The following AHNAK2 variants were observed in gnomAD, a reference collection of about 807,000 sequenced individuals.
AHNAK2 encodes the protein AHNAK nucleoprotein 2.
In AHNAK2, 18 loss-of-function variants were observed where a neutral mutation model predicts 30.7. That is an observed-to-expected ratio of 0.59 (90% CI 0.41 to 0.87). AHNAK2 has a LOEUF of 0.87. AHNAK2 is among the 40% of genes least tolerant of loss of function. AHNAK2 has a pLI of 0.00. For synonymous variants in AHNAK2, 3,590 were observed against 3,073.8 expected (o/e 1.17, Z -5.56); for missense variants, 8,604 against 7,373.0 (o/e 1.17, Z -6.11).
In AHNAK2 at chr14:104,953,997, C is replaced by T. The variant is rs367551426; in HGVS notation, c.1454G>A (p.Arg485Gln). The change falls in exon 7 of 7, where the codon CGA (arginine) becomes CAA (glutamine). Residue 485 changes from arginine (R) to glutamine (Q), a missense_variant. Physicochemically the swap from Arg to Gln is conservative, Grantham distance 43 (BLOSUM62 1). Coordinates refer to ENST00000333244, the MANE Select transcript of AHNAK2 (RefSeq NM_138420.4). Reference protein sequence around the residue: ...TQIGPPEIRVRVHDLKTPKFA... With the variant: ...TQIGPPEIRVQVHDLKTPKFA... The stretch of plus-strand genomic sequence containing the variant: ...TTTTGGTGTCTTTAAATCGTGTACT[C>T]GCACCCTAATTTCTGGTGGGCCAAT... 12 of 1,613,770 alleles carry T rather than the reference C, an allele frequency of 7.4e-6. No individual in the cohort carries two copies. The African/African-American group carries it at 1.1e-4, about 14-fold the overall frequency.
rs1898951878 is a variant in AHNAK2, at chr14:104,955,640, C to T, written c.316-7G>A. 1 of 1,612,398 alleles carries T rather than the reference C, an allele frequency of 6.2e-7. No individual in the cohort carries two copies. On this transcript the variant is annotated splice_region_variant and splice_polypyrimidine_tract_variant and intron_variant, in intron 4 of 6. Transcript: ENST00000333244. ...CTGTTGCCTCCTGGACAGCCTGGAG[C>T]AGAAGCACATCAGGGCCATGGTGAG... is the stretch of plus-strand genomic sequence containing the variant.
In AHNAK2 at chr14:104,953,019, T is replaced by C. The variant is rs1297889462; in HGVS notation, c.2432A>G (p.Asp811Gly). ...VDVQAPRAKL[D>G]GARLEGDLSL... The stretch of plus-strand genomic sequence containing the variant: ...CAGGTCCCCCTCCAGCCGCGCACCA[T>C]CCAGCTTTGCTCTCGGGGCCTGGAC... The change falls in exon 7 of 7, where the codon GAT (aspartate) becomes GGT (glycine). Residue 811 changes from aspartate to glycine, a missense_variant. Asp to Gly is a moderately conservative substitution (Grantham distance 94, BLOSUM62 -1). Coordinates refer to ENST00000333244, the MANE Select transcript of AHNAK2 (RefSeq NM_138420.4). 2 of 1,613,128 alleles carry C rather than the reference T, an allele frequency of 1.2e-6. No individual in the cohort carries two copies. Among genetic ancestry groups the C allele is most frequent in the South Asian group, 1.1e-5 (1 of 91,050 alleles).
chr14:104,952,745 C>T lies in AHNAK2; in HGVS notation c.2706G>A (p.Pro902=), dbSNP rs187626457. The change falls in exon 7 of 7, where the codon CCG becomes CCA. Residue 902 remains proline, a synonymous_variant. Transcript: ENST00000333244. Reference sequence around the variant, plus strand: ...CGGCTCCCTCGGGCACAGGGCCCTCCGGAAGTTTCACATCCACTTGGCCAG... The same window carrying T: ...CGGCTCCCTCGGGCACAGGGCCCTCTGGAAGTTTCACATCCACTTGGCCAG... ...VQAGQVDVKL[P]EGPVPEGAGP... 3.5e-4 allele frequency: 558 copies of T among 1,612,738 alleles called. 19 individuals carry two copies. The African/African-American group carries it at 5.1e-3, about 15-fold the overall frequency.
chr14:104,973,082 C>G (rs962887815), intron 1 of AHNAK2, among the ~76,000 whole-genome samples: 2 of 152,234 alleles, frequency 1.3e-5, no homozygotes, highest in African/African-American at 2.4e-5. Flanking sequence ...GCCCCACCTA[C>G]CGGACCCCTG....
intron 1 of AHNAK2, among the ~76,000 whole-genome samples, chr14:104,973,950 G>C (rs1407568856): frequency 6.6e-6 from 1 of 152,186 alleles, no homozygotes; most frequent in Admixed American, 6.5e-5. Flanking sequence ...GTGCGGGGAT[G>C]GGGGAGTACC....
chr14:104,976,149 G>C (rs1899585244), intron 1 of AHNAK2, among the ~76,000 whole-genome samples: 1 of 152,190 alleles, frequency 6.6e-6, no homozygotes, highest in African/African-American at 2.4e-5. Context: ...GTTATCAGGG[G>C]CCCAGCTCTG....
chr14:104,960,957 C>G lies in AHNAK2; in HGVS notation c.56-3285G>C, dbSNP rs1240631293. 5.0e-3 allele frequency among the ~76,000 whole-genome samples: 750 copies of G among 151,324 alleles called. 6 individuals are homozygous for G. The highest frequency in any genetic ancestry group is 0.017 in the African/African-American group (703 of 41,226). ...GACCAGCCTGGCCAACATGGTGAAA[C>G]CCCTCTCTACTAAAAATACAAACAT... On this transcript the variant is annotated intron_variant, in intron 1 of 6. Transcript: ENST00000333244.
At position 104,945,757 on chromosome 14, in the gene AHNAK2, G is replaced by A. The variant is rs1455317746; in HGVS notation, c.9694C>T (p.Pro3232Ser). ...LKGHLPKLQM[P>S]SFKMPKVDRK... is the part of the protein sequence containing the mutation. ...TCTACTTTGGGCATCTTGAAACTGG[G>A]CATCTGCAACTTGGGCAGGTGCCCT... Residue 3232 changes from proline (P) to serine (S), a missense_variant, in exon 7 of 7, where the codon CCC becomes TCC. Coordinates refer to ENST00000333244, the MANE Select transcript of AHNAK2 (RefSeq NM_138420.4). The A allele has an allele frequency of 1.3e-6, 2 of 1,595,496 alleles. No individual in the cohort carries two copies. The highest frequency in any genetic ancestry group is 1.4e-5 in the African/African-American group (1 of 72,870).
intron 1 of AHNAK2, 62 bp from the exon 2 acceptor site, chr14:104,957,734 G>T: frequency 6.5e-7 from 1 of 1,527,954 alleles, no homozygotes; most frequent in Non-Finnish European, 8.9e-7. Flanking sequence ...GGGGCCCGGG[G>T]GAGGGAGCCA....
In AHNAK2 at chr14:104,940,755, C is replaced by T. The variant is rs1383560769; in HGVS notation, c.14696G>A (p.Gly4899Glu). 3 of 1,612,936 alleles carry T rather than the reference C, an allele frequency of 1.9e-6. No individual in the cohort carries two copies. The highest frequency in any genetic ancestry group is 1.3e-5 in the African/African-American group (1 of 75,046). Residue 4899 changes from glycine (G) to glutamate (E), a missense_variant, in exon 7 of 7, where the codon GGA (glycine) becomes GAA (glutamate). Coordinates refer to ENST00000333244, the MANE Select transcript of AHNAK2 (RefSeq NM_138420.4). This position sits in a 1 kb window ranked among gnomAD's most constrained non-coding sequence, Gnocchi z 4.4. The part of the protein sequence containing the change: ...GAPVMSPLSP[G>E]ERVQCPLPST... The stretch of plus-strand genomic sequence containing the variant: ...TGGCAAGGGGCACTGCACTCTTTCT[C>T]CAGGGCTAAGAGGAGACATGACTGG...
chr14:104,946,348 G>A lies in AHNAK2; in HGVS notation c.9103C>T (p.Leu3035=). The A allele has an allele frequency of 6.2e-7, 1 of 1,612,524 alleles. No individual in the cohort carries two copies. The highest frequency in any genetic ancestry group is 8.5e-7 in the Non-Finnish European group (1 of 1,179,466). ...DISIEPPSAQ[L]EVQAGQVDLK... The stretch of plus-strand genomic sequence containing the variant: ...TCCACCTGGCCAGCCTGGACCTCCA[G>A]TTGGGCAGAGGGGGGCTCAATGCTG... Residue 3035 remains leucine, a synonymous_variant, in exon 7 of 7, where the codon CTG becomes TTG. Coordinates refer to ENST00000333244, the MANE Select transcript of AHNAK2 (RefSeq NM_138420.4).
chr14:104,952,219 T>C lies in AHNAK2; in HGVS notation c.3232A>G (p.Lys1078Glu), dbSNP rs190445385. The change falls in exon 7 of 7, where the codon AAA becomes GAA. Residue 1078 changes from lysine (K) to glutamate (E), a missense_variant. Coordinates refer to ENST00000333244, the MANE Select transcript of AHNAK2 (RefSeq NM_138420.4). Reference sequence around the variant, plus strand: ...ATCTCCACCTTGGGCAAGTGCCCTTTAAGGCCAGCTCCCTCGGGCAGGTGG... The same window carrying C: ...ATCTCCACCTTGGGCAAGTGCCCTTCAAGGCCAGCTCCCTCGGGCAGGTGG... The part of the protein sequence containing the change: ...EGHLPEGAGL[K>E]GHLPKVEMPS... 5 of 1,612,426 alleles carry C rather than the reference T, an allele frequency of 3.1e-6. No homozygotes were observed. The Admixed American group carries it at 8.3e-5, about 27-fold the overall frequency.
At chr14:104,969,172 G>T (rs1487515365) in intron 1 of AHNAK2, among the ~76,000 whole-genome samples, 2 of 152,226 alleles carry the variant, frequency 1.3e-5, no homozygotes, top group Non-Finnish European at 2.9e-5. Context: ...GAGGGCTGGG[G>T]AAGCCAGACT....
At position 104,944,869 on chromosome 14, in the gene AHNAK2, C is replaced by T. The variant is rs200270535; in HGVS notation, c.10582G>A (p.Ala3528Thr). The T allele has an allele frequency of 3.6e-5, 58 of 1,612,996 alleles. No homozygotes were observed. In the East Asian group the frequency reaches 3.8e-4, roughly 11 times the overall value. ...TGGACAGCCTGGACCTCCAGGTCAG[C>T]GGAAGGGGGCTGAATGCTGAGGTCA... ...ATDLSIQPPS[A>T]DLEVQAVQVD... is the part of the protein sequence containing the mutation. Residue 3528 changes from alanine (A) to threonine (T), a missense_variant, in exon 7 of 7, where the codon GCT becomes ACT. Transcript: ENST00000333244.
In AHNAK2 at chr14:104,942,908, G is replaced by A; in HGVS notation, c.12543C>T (p.Leu4181=). 1 of 1,613,176 alleles carries A rather than the reference G, an allele frequency of 6.2e-7. No homozygotes were observed. Among genetic ancestry groups the A allele is most frequent in the Non-Finnish European group, 8.5e-7 (1 of 1,179,622 alleles). ...GGTCGGCGGAAGGGGACTGAATGCT[G>A]AGGTCAGTGGTCTTGAGGTCCCCCT... ...SMQGDLKTTD[L]SIQSPSADLE... The change falls in exon 7 of 7, where the codon CTC becomes CTT. Residue 4181 remains leucine (L), a synonymous_variant. Transcript: ENST00000333244.
In AHNAK2 at chr14:104,943,485, G is replaced by A. The variant is rs780404887; in HGVS notation, c.11966C>T (p.Ala3989Val). ...CTTTGGCGCGGTCACATCCACTGATGCCTCCATGGACTTGCCTGGGGCAGA... is the reference window on the plus strand; with the variant it reads ...CTTTGGCGCGGTCACATCCACTGATACCTCCATGGACTTGCCTGGGGCAGA... ...GVSAPGKSME[A>V]SVDVTAPKVE... is the part of the protein sequence containing the mutation. The change falls in exon 7 of 7, where the codon GCA becomes GTA. Residue 3989 changes from alanine (A) to valine (V), a missense_variant. Ala to Val is a moderately conservative substitution (Grantham distance 64, BLOSUM62 0). Coordinates refer to ENST00000333244, the MANE Select transcript of AHNAK2 (RefSeq NM_138420.4). The A allele has an allele frequency of 6.2e-7, 1 of 1,612,944 alleles. No individual in the cohort carries two copies. Among genetic ancestry groups the A allele is most frequent in the East Asian group, 2.2e-5 (1 of 44,800 alleles).
Position 104,940,179 on chromosome 14 carries a change from T to G in AHNAK2, c.15272A>C (p.Gln5091Pro). Residue 5091 changes from glutamine (Q) to proline (P), a missense_variant, in exon 7 of 7, where the codon CAG (glutamine) becomes CCG (proline). Coordinates refer to ENST00000333244, the MANE Select transcript of AHNAK2 (RefSeq NM_138420.4). This position sits in a 1 kb window ranked among gnomAD's most constrained non-coding sequence, Gnocchi z 4.4. ...AAAGCCCAAACTGGGAATGTGGACC[T>G]GTGGCCGGTGGAGGTTCACACCCTC... ...GSEGVNLHRP[Q>P]VHIPSLGFAK... The G allele has an allele frequency of 6.2e-7, 1 of 1,613,582 alleles. No homozygotes were observed. Among genetic ancestry groups the G allele is most frequent in the Non-Finnish European group, 8.5e-7 (1 of 1,179,860 alleles).
At chr14:104,971,431 G>A (rs1899468208) in intron 1 of AHNAK2, among the ~76,000 whole-genome samples, 1 of 152,098 alleles carries the variant, frequency 6.6e-6, no homozygotes, top group African/African-American at 2.4e-5. Context: ...TAAATTTTTT[G>A]TAGAGACAAG....
At position 104,952,735 on chromosome 14, in the gene AHNAK2, C is replaced by T. The variant is rs768585117; in HGVS notation, c.2716G>A (p.Val906Met). 6.2e-7 allele frequency: 1 copy of T among 1,611,020 alleles called. No homozygotes were observed. The highest frequency in any genetic ancestry group is 8.5e-7 in the Non-Finnish European group (1 of 1,179,054). ...QVDVKLPEGP[V>M]PEGAGPKVHL... ...ACTTTGGGGCCGGCTCCCTCGGGCA[C>T]AGGGCCCTCCGGAAGTTTCACATCC... Residue 906 changes from valine (V) to methionine (M), a missense_variant, in exon 7 of 7, where the codon GTG becomes ATG. Physicochemically the swap from Val to Met is conservative, Grantham distance 21. Coordinates refer to ENST00000333244, the MANE Select transcript of AHNAK2 (RefSeq NM_138420.4).
Sources: gnomAD v4.1 joint callset for allele counts (sites outside exome capture counted in the v4.1 genomes callset) on GRCh38, gnomAD v4.1.1 for gene constraint, Gnocchi (gnomAD v3.1) non-coding constraint, MANE v1.5 for transcripts, NCBI Gene and HGNC (gene_info 2026-07-23, HGNC 2026-07-21) for gene names.